The following TST variants were observed in gnomAD, a reference collection of about 807,000 sequenced individuals.
The protein encoded by TST is thiosulfate sulfurtransferase.
In TST, 22 loss-of-function variants were observed where a neutral mutation model predicts 20.4. The observed-to-expected ratio is 1.08, with a 90% CI of 0.77 to 1.54. The LOEUF is 1.54. Ranked by LOEUF, TST falls within the 40% of genes most tolerant of loss-of-function variation. The pLI, the probability that TST is intolerant of heterozygous loss-of-function variation, is 0.00. For synonymous variants in TST, 187 were observed against 173.8 expected (o/e 1.08, Z -0.60); for missense variants, 392 against 405.2 (o/e 0.97, Z 0.28).
At position 37,018,258 on chromosome 22, in the gene TST, G is replaced by A. The variant is rs572136494; in HGVS notation, c.475C>T (p.Arg159Cys). The A allele has an allele frequency of 5.0e-6, 8 of 1,614,046 alleles. No individual in the cohort carries two copies. Among genetic ancestry groups the A allele is most frequent in the South Asian group, 3.3e-5 (3 of 91,076 alleles). Residue 159 changes from arginine (R) to cysteine (C), a missense_variant, in exon 2 of 3, where the codon CGC (arginine) becomes TGC (cysteine). Transcript: ENST00000249042. ...EPAVFKATLDRSLLKTYEQVL... is the reference protein window; with the variant it reads ...EPAVFKATLDCSLLKTYEQVL... ...TGCTCGTAGGTCTTGAGCAGGGAGCGGTCCAGTGTGGCTTTGAAGACGGCC... is the reference window on the plus strand; with the variant it reads ...TGCTCGTAGGTCTTGAGCAGGGAGCAGTCCAGTGTGGCTTTGAAGACGGCC...
At chr22:37,013,393 T>C (rs1299234300) in intron 2 of TST, 3 of 151,614 alleles carry the variant, frequency 2.0e-5, no homozygotes, top group African/African-American at 4.9e-5. Flanking sequence ...GATGGAAGGA[T>C]TGCTTGAGCC....
At chr22:37,016,111 AT>A (rs984420481) in intron 2 of TST, among the ~76,000 whole-genome samples, 2 of 149,498 alleles carry the variant, frequency 1.3e-5, no homozygotes, top group African/African-American at 4.9e-5. Context: ...CGCCTGGCTA[AT>A]TTTTTTTTCA....
intron 2 of TST, among the ~76,000 whole-genome samples, chr22:37,017,454 T>A (rs573224215): frequency 1.3e-5 from 2 of 152,198 alleles, no homozygotes; most frequent in Non-Finnish European, 2.9e-5. Context: ...TGGATTCGAA[T>A]CCTGCCTTCC....
At chr22:37,017,846 G>A (rs112606162) in intron 2 of TST, among the ~76,000 whole-genome samples, 70 of 152,312 alleles carry the variant, frequency 4.6e-4, no homozygotes, top group African/African-American at 1.6e-3. Flanking sequence ...GGGGCAGCTG[G>A]TGCCTGGGAG....
chr22:37,014,929 A>C (rs1922620143), intron 2 of TST, among the ~76,000 whole-genome samples: 1 of 152,104 alleles, frequency 6.6e-6, no homozygotes, highest in African/African-American at 2.4e-5. Context: ...GCAGCCCTGC[A>C]CCTTCCCTCC....
At chr22:37,019,002 A>T (rs373487481) in intron 1 of TST, 194 of 387,702 alleles carry the variant, frequency 5.0e-4, no homozygotes, top group African/African-American at 3.5e-3. Context: ...GTTTCCGAGG[A>T]CTCCAAGTAG....
Position 37,010,995 on chromosome 22 carries a change from C to T in TST, c.*32G>A. 1 of 1,581,290 alleles carries T rather than the reference C, an allele frequency of 6.3e-7. No individual in the cohort carries two copies. Among genetic ancestry groups the T allele is most frequent in the Non-Finnish European group, 8.6e-7 (1 of 1,160,518 alleles). On this transcript the variant is annotated 3_prime_UTR_variant, in exon 3 of 3. Coordinates refer to ENST00000249042, the MANE Select transcript of TST (RefSeq NM_003312.6). ...GTAAGTCATGGGGTCACTAAACCGG[C>T]CGCAGTTACAGTAAGCAGAAGAGGT...
At position 37,018,238 on chromosome 22, in the gene TST, G is replaced by C. The variant is rs149418322; in HGVS notation, c.495C>G (p.Tyr165Ter). ...ATTCAAGGTTCTCCAGCACCTGCTC[G>C]TAGGTCTTGAGCAGGGAGCGGTCCA... ...ATLDRSLLKT[Y>*]EQVLENLESK... The change falls in exon 2 of 3, where the codon TAC becomes TAG. Residue 165 changes from tyrosine to a stop codon, truncating the protein, a stop_gained. Transcript: ENST00000249042. LOFTEE classifies it high-confidence loss of function. 1.9e-6 allele frequency: 3 copies of C among 1,613,960 alleles called. No individual in the cohort carries two copies. In the Admixed American group the frequency reaches 5.0e-5, roughly 27 times the overall value.
At chr22:37,014,546 G>A (rs1922605844) in intron 2 of TST, among the ~76,000 whole-genome samples, 1 of 152,214 alleles carries the variant, frequency 6.6e-6, no homozygotes, top group South Asian at 2.1e-4. Context: ...TTGACAGCAG[G>A]TGCTCTCAAG....
Position 37,011,195 on chromosome 22 carries a change from C to T in TST, c.726G>A (p.Gln242=). Residue 242 remains glutamine, a synonymous_variant, in exon 3 of 3, where the codon CAG becomes CAA. Transcript: ENST00000249042. The part of the protein sequence containing the change: ...LFQTKKVDLS[Q]PLIATCRKGV... Reference sequence around the variant, plus strand: ...CCTTGCGGCACGTGGCAATGAGAGGCTGCGAGAGATCCACCTTCTTGGTCT... The same window carrying T: ...CCTTGCGGCACGTGGCAATGAGAGGTTGCGAGAGATCCACCTTCTTGGTCT... 1 of 1,613,876 alleles carries T rather than the reference C, an allele frequency of 6.2e-7. No homozygotes were observed. Among genetic ancestry groups the T allele is most frequent in the Non-Finnish European group, 8.5e-7 (1 of 1,180,026 alleles).
chr22:37,011,582 G>C (rs1029922682), intron 2 of TST, among the ~76,000 whole-genome samples: 2 of 152,132 alleles, frequency 1.3e-5, no homozygotes, highest in African/African-American at 4.8e-5. Context: ...AGAAGACAGC[G>C]GCATGAGTCT....
intron 2 of TST, among the ~76,000 whole-genome samples, chr22:37,014,314 G>A (rs112514358): frequency 0.053 from 8,020 of 152,286 alleles, 706 homozygotes; most frequent in African/African-American, 0.18. Flanking sequence ...AGCTTAAAAT[G>A]AGCCAAGATC....
In TST at chr22:37,011,079, C is replaced by G. The variant is rs777801495; in HGVS notation, c.842G>C (p.Arg281Pro). The part of the protein sequence containing the change: ...VYDGSWSEWF[R>P]RAPPESRVSQ... ...CACACGGCTCTCTGGGGGGGCCCGGCGAAACCACTCGGACCAGGAGCCATC... is the reference window on the plus strand; with the variant it reads ...CACACGGCTCTCTGGGGGGGCCCGGGGAAACCACTCGGACCAGGAGCCATC... Residue 281 changes from arginine (R) to proline (P), a missense_variant, in exon 3 of 3, where the codon CGC becomes CCC. Coordinates refer to ENST00000249042, the MANE Select transcript of TST (RefSeq NM_003312.6). The G allele has an allele frequency of 1.2e-6, 2 of 1,612,412 alleles. No homozygotes were observed. The highest frequency in any genetic ancestry group is 1.7e-6 in the Non-Finnish European group (2 of 1,179,982).
Position 37,018,747 on chromosome 22 carries a change from G to T in TST, c.-15C>A, listed in dbSNP as rs1238075185. 6.8e-7 allele frequency: 1 copy of T among 1,467,190 alleles called. No individual in the cohort carries two copies. The highest frequency in any genetic ancestry group is 1.4e-5 in the African/African-American group (1 of 71,046). The allele number at this position is 1,467,190 out of a possible 1,614,324, so 90.9% of individuals were successfully genotyped here. A position where few individuals can be genotyped will look rare whatever the true frequency, so the allele number is the denominator to read the frequency against. On this transcript the variant is annotated 5_prime_UTR_variant, in exon 2 of 3. Transcript: ENST00000249042. Reference sequence around the variant, plus strand: ...TGATGAACCATGGCTTCAGCTCTGCGTGTCACCTGGCACGGGTGGGAACCA... The same window carrying T: ...TGATGAACCATGGCTTCAGCTCTGCTTGTCACCTGGCACGGGTGGGAACCA...
rs1215741137 is a variant in TST, at chr22:37,018,165, C to T, written c.568G>A (p.Gly190Ser). The change falls in exon 2 of 3, where the codon GGC becomes AGC. Residue 190 changes from glycine (G) to serine (S), a missense_variant. Coordinates refer to ENST00000249042, the MANE Select transcript of TST (RefSeq NM_003312.6). The stretch of plus-strand genomic sequence containing the variant: ...ACTGCATCCGGCTCCGGCTCGGTGC[C>T]CAGGAACCGCCCTTGAGACCTTGAA... ...VDSRSQGRFL[G>S]TEPEPDAVGL... 8.3e-6 allele frequency: 13 copies of T among 1,568,902 alleles called. No individual in the cohort carries two copies. The African/African-American group carries it at 1.5e-4, about 18-fold the overall frequency.
upstream of TST, chr22:37,019,746 C>T (rs900831289): frequency 2.1e-5 from 11 of 531,094 alleles, no homozygotes; most frequent in African/African-American, 4.8e-5. Context: ...TGGGCTGTGC[C>T]GGAGTCTCCT....
At chr22:37,019,607 C>G (rs1293812701), upstream of TST, 2 of 231,624 alleles carry the variant, frequency 8.6e-6, no homozygotes, top group Non-Finnish European at 1.7e-5. Context: ...CTCCGGGACC[C>G]GCGGGGGTCT....
At chr22:37,018,105 T>A (rs370135968) in intron 2 of TST, 33 bp downstream of exon 2, 4 of 1,467,482 alleles carry the variant, frequency 2.7e-6, no homozygotes, top group African/African-American at 2.8e-5. Context: ...GGGGCAATAC[T>A]CCCCAGGGAC....
At chr22:37,015,638 A>G (rs1311955156) in intron 2 of TST, among the ~76,000 whole-genome samples, 5 of 152,226 alleles carry the variant, frequency 3.3e-5, no homozygotes, top group Admixed American at 2.0e-4. Context: ...TTCTCGCTCC[A>G]TTTAGGGTCA....
Sources: allele counts gnomAD v4.1 joint callset (sites outside exome capture counted in the v4.1 genomes callset), GRCh38; gene constraint gnomAD v4.1.1; transcripts MANE v1.5; gene names NCBI Gene and HGNC (gene_info 2026-07-23, HGNC 2026-07-21).